The following HLA-DPA1 variants were observed in gnomAD, a reference collection of about 807,000 sequenced individuals.
HLA-DPA1 encodes HLA class II histocompatibility antigen, DP alpha 1 chain.
HLA-DPA1 carries 20 observed loss-of-function variants against 21.5 expected under a neutral mutation model. That is an observed-to-expected ratio of 0.93 (90% CI 0.66 to 1.35). HLA-DPA1 has a LOEUF of 1.35. Ranked by LOEUF, HLA-DPA1 falls within the 40% of genes most tolerant of loss-of-function variation. HLA-DPA1 has a pLI of 0.00. For missense variants in HLA-DPA1, 279 were observed against 323.0 expected (o/e 0.86, Z 1.05); for synonymous variants, 123 against 129.6 (o/e 0.95, Z 0.35).
intron 5 of HLA-DPA1, chr6:33,067,356 C>T (rs1199354698): frequency 7.3e-6 from 1 of 137,672 alleles, no homozygotes; most frequent in East Asian, 3.1e-4. Flanking sequence ...TATTAGTGCA[C>T]ATGAAACCTG....
chr6:33,073,961 G>A (rs1478762909), intron 1 of HLA-DPA1, among the ~76,000 whole-genome samples: 2 of 152,012 alleles, frequency 1.3e-5, no homozygotes, highest in Non-Finnish European at 2.9e-5. Flanking sequence ...GATCTTTGAT[G>A]TTTTTTGGTC....
intron 2 of HLA-DPA1, among the ~76,000 whole-genome samples, chr6:33,071,661 A>G (rs1762287202): frequency 6.6e-6 from 1 of 152,226 alleles, no homozygotes; most frequent in Admixed American, 6.5e-5. Flanking sequence ...AAGGAAACAC[A>G]AGTGACAGGA....
At chr6:33,072,582 A>G (rs1762333235) in intron 2 of HLA-DPA1, among the ~76,000 whole-genome samples, 3 of 152,218 alleles carry the variant, frequency 2.0e-5, no homozygotes, top group Non-Finnish European at 4.4e-5. Context: ...GGTTCTACCC[A>G]GCCTGACCTC....
At chr6:33,066,830 T>G (rs1761981674) in intron 5 of HLA-DPA1, 2 of 152,216 alleles carry the variant, frequency 1.3e-5, no homozygotes, top group African/African-American at 4.8e-5. Flanking sequence ...CCCCAATTAT[T>G]AGTAATTAAA....
At position 33,078,942 on chromosome 6, in the gene HLA-DPA1, G is replaced by A. The variant is rs9469348; in HGVS notation, c.-100+1738C>T. Among the ~76,000 whole-genome samples, 764 of 152,242 alleles carry A rather than the reference G, an allele frequency of 5.0e-3. 12 individuals are homozygous for A. The highest frequency in any genetic ancestry group is 0.018 in the African/African-American group (741 of 41,534). On this transcript the variant is annotated intron_variant, in intron 1 of 5. Coordinates refer to ENST00000419277, the Ensembl canonical transcript of HLA-DPA1. The stretch of plus-strand genomic sequence containing the variant: ...AGGAGGAATCTGGACTCAAGGAGCT[G>A]GGGGGCTCTGGGCCTGGAATTTTAG...
chr6:33,068,863 G>A (rs1172292010), intron 4 of HLA-DPA1, 59 bp from the exon 4 acceptor site: 2 of 1,583,886 alleles, frequency 1.3e-6, no homozygotes, highest in East Asian at 2.2e-5. Context: ...GATGGCCTGG[G>A]ATGGTTGTGG....
At position 33,069,707 on chromosome 6, in the gene HLA-DPA1, T is replaced by C. The variant is rs1325688041; in HGVS notation, c.280A>G (p.Ile94Val). 2.5e-6 allele frequency: 4 copies of C among 1,612,780 alleles called. No homozygotes were observed. In the Admixed American group the frequency reaches 5.0e-5, roughly 20 times the overall value. Residue 94 changes from isoleucine to valine, a missense_variant, in exon 3 of 6, where the codon ATT (isoleucine) becomes GTT (valine). Transcript: ENST00000419277. The stretch of plus-strand genomic sequence containing the variant: ...TTCAAGTTGTTGTTCAATATAGCAA[T>C]GTTAGCCAGCCCGCCCTGAGCCTCA...
intron 1 of HLA-DPA1, chr6:33,076,040 C>A: frequency 1.2e-6 from 2 of 1,610,516 alleles, no homozygotes; most frequent in Non-Finnish European, 8.5e-7. Context: ...TTTTCCAGCT[C>A]CATGATGGTT....
chr6:33,069,492 C>A, intron 3 of HLA-DPA1, 149 bp downstream of exon 2: 5 of 1,123,206 alleles, frequency 4.5e-6, no homozygotes, highest in Non-Finnish European at 6.5e-6. Context: ...AGGATGCAAG[C>A]CCTTGCTGTA....
chr6:33,072,126 A>G (rs1453268925), intron 2 of HLA-DPA1, among the ~76,000 whole-genome samples: 2 of 152,230 alleles, frequency 1.3e-5, no homozygotes, highest in Non-Finnish European at 2.9e-5. Flanking sequence ...AGGACAGGGT[A>G]GTTCATCAGA....
Position 33,080,022 on chromosome 6 carries a change from C to G in HLA-DPA1, c.-100+658G>C, listed in dbSNP as rs1469598498. Among the ~76,000 whole-genome samples, 1 of 152,170 alleles carries G rather than the reference C, an allele frequency of 6.6e-6. No homozygotes were observed. Among genetic ancestry groups the G allele is most frequent in the Non-Finnish European group, 1.5e-5 (1 of 68,024 alleles). ...CTTTCCACATCTTTTGACACCAAGT[C>G]TTTCTGCAGCCATGTTTGAAAATTA... is the stretch of plus-strand genomic sequence containing the variant. On this transcript the variant is annotated intron_variant, in intron 1 of 5. Transcript: ENST00000419277. This position sits in a 1 kb window ranked among gnomAD's most constrained non-coding sequence, Gnocchi z 4.3.
exon 3 of HLA-DPA1, chr6:33,069,724 T>C: frequency 6.2e-7 from 1 of 1,612,786 alleles, no homozygotes; most frequent in Non-Finnish European, 8.5e-7. Flanking sequence ...CAGCCCGCCC[T>C]GAGCCTCAAA....
At chr6:33,071,302 C>A (rs185915786) in intron 2 of HLA-DPA1, among the ~76,000 whole-genome samples, 1 of 152,270 alleles carries the variant, frequency 6.6e-6, no homozygotes, top group East Asian at 1.9e-4. Flanking sequence ...ATAGGTATTT[C>A]ACTAGGAAAC....
intron 5 of HLA-DPA1, 49 bp downstream of exon 4, chr6:33,068,589 C>T (rs1165755382): frequency 5.5e-6 from 8 of 1,462,542 alleles, no homozygotes; most frequent in Non-Finnish European, 7.5e-6. Context: ...AATTTTTCCT[C>T]CCTTCCTTAC....
chr6:33,069,973 G>A, intron 2 of HLA-DPA1, 87 bp from the exon 2 acceptor site: 1 of 1,266,262 alleles, frequency 7.9e-7, no homozygotes, highest in Non-Finnish European at 1.1e-6. Context: ...AAAGACTTAT[G>A]AATATAAAAA....
Position 33,071,751 on chromosome 6 carries a change from C to G in HLA-DPA1, c.100+1720G>C, listed in dbSNP as rs141825533. ...CCAAACAGCACATCAGGGAAGGCTT[C>G]CTGGGGAACAGATGGCTTCAATGTA... On this transcript the variant is annotated intron_variant, in intron 2 of 5. Coordinates refer to ENST00000419277, the Ensembl canonical transcript of HLA-DPA1. Among the ~76,000 whole-genome samples the G allele has an allele frequency of 3.4e-3, 521 of 152,256 alleles. 3 individuals are homozygous for G. The highest frequency in any genetic ancestry group is 0.025 in the East Asian group (130 of 5,174).
Position 33,076,289 on chromosome 6 carries a change from C to T in HLA-DPA1, c.-99-2620G>A, listed in dbSNP as rs116878647. 2.1e-3 allele frequency: 1,319 copies of T among 623,236 alleles called. 14 individuals carry two copies. The highest frequency in any genetic ancestry group is 0.012 in the East Asian group (422 of 36,540). 38.6% of individuals were successfully genotyped at this position (623,236 alleles called of 1,614,324 possible). A position where few individuals can be genotyped will look rare whatever the true frequency, so the allele number is the denominator to read the frequency against. On this transcript the variant is annotated intron_variant, in intron 1 of 5. Coordinates refer to ENST00000419277, the Ensembl canonical transcript of HLA-DPA1. Reference sequence around the variant, plus strand: ...CTCTTCCCAGCTAGAGAAAGAGGTTCATCCCCTATAGGATAGCTTGCTACC... The same window carrying T: ...CTCTTCCCAGCTAGAGAAAGAGGTTTATCCCCTATAGGATAGCTTGCTACC...
intron 1 of HLA-DPA1, chr6:33,079,812 C>T (rs553660574): frequency 2.2e-6 from 1 of 456,730 alleles, no homozygotes; most frequent in Non-Finnish European, 4.3e-6. Context: ...AGCCGGCCAT[C>T]AGAGTCACCA....
At chr6:33,079,188 G>A (rs1168022123) in intron 1 of HLA-DPA1, among the ~76,000 whole-genome samples, 3 of 152,246 alleles carry the variant, frequency 2.0e-5, no homozygotes, top group Non-Finnish European at 4.4e-5. Flanking sequence ...GCATGAAACA[G>A]ATGAGCAGAA....
Sources: allele counts gnomAD v4.1 joint callset (sites outside exome capture counted in the v4.1 genomes callset), GRCh38; gene constraint gnomAD v4.1.1; non-coding constraint Gnocchi (gnomAD v3.1); transcripts MANE v1.5; gene names NCBI Gene and HGNC (gene_info 2026-07-23, HGNC 2026-07-21).